Variants in SLAMF1 observed in about 807,000 individuals in gnomAD.
The protein encoded by SLAMF1 is signaling lymphocytic activation molecule.
Under a neutral mutation model 35.1 loss-of-function variants are expected in SLAMF1, and 18 were observed. The observed-to-expected ratio is 0.51, with a 90% CI of 0.35 to 0.76. The LOEUF (loss-of-function observed/expected upper bound fraction) is 0.76. Ranked by LOEUF, SLAMF1 falls within the 30% of genes least tolerant of loss-of-function variation. SLAMF1 has a pLI of 0.01. For missense variants in SLAMF1, 392 were observed against 413.0 expected, an observed-to-expected ratio of 0.95 and a Z score of 0.44; for synonymous variants, 168 against 157.2, an observed-to-expected ratio of 1.07 and a Z score of -0.51.
intron 1 of SLAMF1, among the ~76,000 whole-genome samples, chr1:160,645,564 C>T (rs1000054579): frequency 6.6e-6 from 1 of 152,196 alleles, no homozygotes; most frequent in Non-Finnish European, 1.5e-5. Context: ...GTTCACAGTT[C>T]AGCACCATCA....
At chr1:160,623,600 A>C (rs1456137500) in intron 4 of SLAMF1, 1 of 398,956 alleles carries the variant, frequency 2.5e-6, no homozygotes, top group East Asian at 3.6e-5. Flanking sequence ...GGGGAGCACA[A>C]TGCCCTGAGA....
chr1:160,613,612 G>A (rs1462308849), intron 5 of SLAMF1, among the ~76,000 whole-genome samples: 1 of 152,226 alleles, frequency 6.6e-6, no homozygotes, highest in Non-Finnish European at 1.5e-5. Context: ...TATAGAGCCA[G>A]ACTTGAAGCC....
At chr1:160,616,409 G>C (rs1416542575) in intron 5 of SLAMF1, among the ~76,000 whole-genome samples, 4 of 145,808 alleles carry the variant, frequency 2.7e-5, no homozygotes, top group African/African-American at 1.0e-4. Context: ...TTATACAAGA[G>C]AATTACAGGC....
At chr1:160,635,090 G>T (rs1307762873) in intron 2 of SLAMF1, among the ~76,000 whole-genome samples, 193 bp from the exon 3 acceptor site, 2 of 152,168 alleles carry the variant, frequency 1.3e-5, no homozygotes, top group African/African-American at 2.4e-5. Flanking sequence ...ACCACCTTGG[G>T]ATAAAATAGA....
intron 3 of SLAMF1, among the ~76,000 whole-genome samples, chr1:160,631,238 G>A (rs563490932): frequency 2.6e-5 from 4 of 152,338 alleles, no homozygotes; most frequent in African/African-American, 9.6e-5. Flanking sequence ...TAGGCAATCT[G>A]GTATACTGCG....
intron 5 of SLAMF1, among the ~76,000 whole-genome samples, chr1:160,616,982 A>G (rs1163602734): frequency 6.6e-6 from 1 of 151,888 alleles, no homozygotes; most frequent in Non-Finnish European, 1.5e-5. Flanking sequence ...ATGGTGAAAT[A>G]CTGTCTCTAC....
intron 1 of SLAMF1, among the ~76,000 whole-genome samples, chr1:160,640,311 G>A (rs1487276245): frequency 9.5e-6 from 1 of 105,660 alleles, no homozygotes; most frequent in Non-Finnish European, 1.8e-5. Context: ...TCTTATTTAG[G>A]TTATTAGGTT....
At position 160,617,107 on chromosome 1, in the gene SLAMF1, G is replaced by C. The variant is rs189911975; in HGVS notation, c.864+2669C>G. ...GGAGGCGGAGGTTGCAGTAAGACAA[G>C]ATCACGCCACTGCACCCCAGCCTAG... is the stretch of plus-strand genomic sequence containing the variant. On this transcript the variant is annotated intron_variant, in intron 5 of 6. Coordinates refer to ENST00000302035, the MANE Select transcript of SLAMF1 (RefSeq NM_003037.5). 6.0e-5 allele frequency among the ~76,000 whole-genome samples: 9 copies of C among 151,118 alleles called. No individual in the cohort carries two copies. In the East Asian group the frequency reaches 1.8e-3, roughly 29 times the overall value.
At chr1:160,618,349 A>C (rs1033254603) in intron 5 of SLAMF1, among the ~76,000 whole-genome samples, 8 of 152,110 alleles carry the variant, frequency 5.3e-5, no homozygotes. Flanking sequence ...TTTTTTGGTC[A>C]GAGTTGATCC....
intron 1 of SLAMF1, among the ~76,000 whole-genome samples, chr1:160,645,742 C>A (rs1208659616): frequency 6.6e-6 from 1 of 152,152 alleles, no homozygotes; most frequent in Non-Finnish European, 1.5e-5. Context: ...GAAGTACGAG[C>A]CATGGATCTG....
intron 3 of SLAMF1, among the ~76,000 whole-genome samples, chr1:160,625,032 A>C (rs1659806675): frequency 1.3e-5 from 2 of 152,228 alleles, no homozygotes; most frequent in African/African-American, 4.8e-5. Flanking sequence ...CAAGGTAGGT[A>C]CACTCATTAT....
chr1:160,630,917 G>T (rs1660130063), intron 3 of SLAMF1, among the ~76,000 whole-genome samples: 2 of 152,046 alleles, frequency 1.3e-5, no homozygotes, highest in Admixed American at 1.3e-4. Flanking sequence ...CCCAGTTTAT[G>T]TCACATTCTC....
rs777159227 is a variant in SLAMF1 at position 160,634,887 on chromosome 1, G to A, written c.426C>T (p.Ser142=). Residue 142 remains serine (S), a synonymous_variant, in exon 3 of 7, where the codon TCC becomes TCT. Coordinates refer to ENST00000302035, the MANE Select transcript of SLAMF1 (RefSeq NM_003037.5). ...CLQLRLYEQV[S]TPEIKVLNKT... is the part of the protein sequence containing the mutation. ...TGTTTAAAACTTTAATTTCTGGAGT[G>A]GAGACCTGCTCTGTCAGGAGTGGGA... The A allele has an allele frequency of 5.0e-6, 8 of 1,611,008 alleles. No individual in the cohort carries two copies. Among genetic ancestry groups the A allele is most frequent in the African/African-American group, 1.3e-5 (1 of 74,920 alleles).
rs752822793 is a variant in SLAMF1, at chr1:160,624,189, GA to G, written c.701-5del. 173 of 1,560,994 alleles carry G rather than the reference GA, an allele frequency of 1.1e-4. No individual in the cohort carries two copies. The highest frequency in any genetic ancestry group is 2.8e-4 in the Admixed American group (15 of 53,856). On this transcript the variant is annotated splice_polypyrimidine_tract_variant and splice_region_variant and intron_variant, in intron 3 of 6. Transcript: ENST00000302035. ...TACACTGCCCATGGTTTTGTTTCTG[GA>G]AAAAAAAAGAAGTCAAAGAGCAATC...
rs1660496622 is a variant in SLAMF1 at position 160,637,206 on chromosome 1, G to T, written c.400C>A (p.Gln134Lys). ...CCATTATTACCATAAAGCCTCAACT[G>T]CAGGCAAAAGCGCTGAACTGAAACA... The part of the protein sequence containing the change: ...KNVSVQRFCL[Q>K]LRLYEQVSTP... Residue 134 changes from glutamine (Q) to lysine (K), a missense_variant, in exon 2 of 7, where the codon CAG becomes AAG. Transcript: ENST00000302035. The T allele has an allele frequency of 6.2e-7, 1 of 1,613,440 alleles. No individual in the cohort carries two copies. The highest frequency in any genetic ancestry group is 8.5e-7 in the Non-Finnish European group (1 of 1,179,464).
Position 160,610,444 on chromosome 1 carries a change from C to A in SLAMF1, c.*304G>T. The A allele has an allele frequency of 2.0e-6, 1 of 495,990 alleles. No individual in the cohort carries two copies. Among genetic ancestry groups the A allele is most frequent in the Non-Finnish European group, 3.9e-6 (1 of 256,208 alleles). 30.7% of individuals were successfully genotyped at this position (495,990 alleles called of 1,614,324 possible). A position where few individuals can be genotyped will look rare whatever the true frequency, so the allele number is the denominator to read the frequency against. ...CCAGTTCCAGCCAAGAGCAAGATGC[C>A]CAAAGTCTGAACTCACATTACTGTC... On this transcript the variant is annotated 3_prime_UTR_variant, in exon 7 of 7. Coordinates refer to ENST00000302035, the MANE Select transcript of SLAMF1 (RefSeq NM_003037.5).
chr1:160,615,438 C>T (rs1450462125), intron 5 of SLAMF1, among the ~76,000 whole-genome samples: 1 of 151,872 alleles, frequency 6.6e-6, no homozygotes, highest in Non-Finnish European at 1.5e-5. Flanking sequence ...AAGTTGTTCA[C>T]TAATATGTAG....
chr1:160,647,027 A>C lies in SLAMF1; in HGVS notation c.-82T>G. 1.3e-6 allele frequency: 1 copy of C among 744,710 alleles called. No homozygotes were observed. Among genetic ancestry groups the C allele is most frequent in the East Asian group, 2.6e-5 (1 of 37,806 alleles). 46.1% of individuals were successfully genotyped at this position (744,710 alleles called of 1,614,324 possible). ...GCCAGGCAGAAGCAAGCTTCGTGTCATGCAGCAGAGGCTGTCTGATTTATG... is the reference window on the plus strand; with the variant it reads ...GCCAGGCAGAAGCAAGCTTCGTGTCCTGCAGCAGAGGCTGTCTGATTTATG... On this transcript the variant is annotated 5_prime_UTR_variant, in exon 1 of 7. An upstream start codon of the reference 5' UTR is lost. Coordinates refer to ENST00000302035, the MANE Select transcript of SLAMF1 (RefSeq NM_003037.5).
At chr1:160,644,327 C>A (rs577553698) in intron 1 of SLAMF1, among the ~76,000 whole-genome samples, 1 of 152,184 alleles carries the variant, frequency 6.6e-6, no homozygotes, top group Middle Eastern at 3.2e-3. Context: ...GCTATGTGAG[C>A]GCAGAGAAAT....
Sources: allele counts gnomAD v4.1 joint callset (sites outside exome capture counted in the v4.1 genomes callset), GRCh38; gene constraint gnomAD v4.1.1; transcripts MANE v1.5; gene names NCBI Gene and HGNC (gene_info 2026-07-23, HGNC 2026-07-21).